FCRL6: variants seen among roughly 807,000 people sequenced by gnomAD.
FCRL6 encodes the protein Fc receptor-like protein 6.
In FCRL6, 50 loss-of-function variants were observed where a neutral mutation model predicts 49.1. That is an observed-to-expected ratio of 1.02 (90% CI 0.81 to 1.29). The LOEUF (loss-of-function observed/expected upper bound fraction) is 1.29. FCRL6 is among the 50% of genes most tolerant of loss of function. FCRL6 has a pLI of 0.00. For missense variants in FCRL6, 571 were observed against 518.5 expected (o/e 1.10, Z -0.98); for synonymous variants, 213 against 199.6 (o/e 1.07, Z -0.57).
chr1:159,801,415 A>G (rs1662327432), upstream of FCRL6, among the ~76,000 whole-genome samples: 1 of 152,326 alleles, frequency 6.6e-6, no homozygotes, highest in Non-Finnish European at 1.5e-5. Context: ...ACCAATACTC[A>G]GTAGAGGATT....
At chr1:159,808,825 G>T in intron 3 of FCRL6, 136 bp from the exon 4 acceptor site, 1 of 827,290 alleles carries the variant, frequency 1.2e-6, no homozygotes, top group South Asian at 1.9e-5. Context: ...GTAAGAGGAC[G>T]GGTCCTAGGG....
chr1:159,814,329 A>G, intron 8 of FCRL6, 37 bp downstream of exon 8: 1 of 1,576,950 alleles, frequency 6.3e-7, no homozygotes, highest in Non-Finnish European at 8.7e-7. Flanking sequence ...ACCTTTGCAA[A>G]CAGAAGTTTT....
rs773138809 is a variant in FCRL6, at chr1:159,815,532, A to T, written c.1180-4A>T. 6.2e-7 allele frequency: 1 copy of T among 1,614,154 alleles called. No individual in the cohort carries two copies. The highest frequency in any genetic ancestry group is 1.7e-5 in the Admixed American group (1 of 60,010). On this transcript the variant is annotated splice_polypyrimidine_tract_variant and splice_region_variant and intron_variant, in intron 9 of 9. Transcript: ENST00000368106. ...TTCCTCATCCTGAGCCAACTCTTCC[A>T]CAGGACAGTTCTATCATCTGTGCGG...
At chr1:159,808,611 C>A in intron 3 of FCRL6, 167 bp downstream of exon 3, 2 of 722,324 alleles carry the variant, frequency 2.8e-6, no homozygotes, top group Non-Finnish European at 4.7e-6. Flanking sequence ...ATACCCCCCT[C>A]TCCCCACCAT....
Position 159,809,511 on chromosome 1 carries a change from G to A in FCRL6, c.714G>A (p.Leu238=), listed in dbSNP as rs985099626. ...CEAQRGSPPI[L]YSFYLDEKIV... ...CACAGAGGGGCTCCCCTCCGATCCT[G>A]TATTCCTTCTACCTTGATGAGAAGA... is the stretch of plus-strand genomic sequence containing the variant. The change falls in exon 5 of 10, where the codon CTG becomes CTA. Residue 238 remains leucine (L), a synonymous_variant. Transcript: ENST00000368106. 34 of 1,614,084 alleles carry A rather than the reference G, an allele frequency of 2.1e-5. No individual in the cohort carries two copies. Among genetic ancestry groups the A allele is most frequent in the Non-Finnish European group, 2.9e-5 (34 of 1,180,028 alleles).
In FCRL6 at chr1:159,815,694, C is replaced by T. The variant is rs1356425744; in HGVS notation, c.*33C>T. 1 of 1,612,308 alleles carries T rather than the reference C, an allele frequency of 6.2e-7. No homozygotes were observed. The highest frequency in any genetic ancestry group is 2.2e-5 in the East Asian group (1 of 44,880). ...GTTCTCCTATCAACACACGCCCACC[C>T]CCAGTCTCCAGTGCTCCTCAGGAAG... On this transcript the variant is annotated 3_prime_UTR_variant, in exon 10 of 10. Coordinates refer to ENST00000368106, the MANE Select transcript of FCRL6 (RefSeq NM_001004310.3).
At position 159,809,656 on chromosome 1, in the gene FCRL6, A is replaced by G; in HGVS notation, c.859A>G (p.Ser287Gly). Residue 287 changes from serine (S) to glycine (G), a missense_variant, in exon 5 of 10, where the codon AGT becomes GGT. Ser to Gly is a moderately conservative substitution (Grantham distance 56, BLOSUM62 0). Transcript: ENST00000368106. ...TGAGAACAGTGTCTCCAGAGAGAGG[A>G]GTGAGCCCAAGAAGCTGTCTCTGAA... Reference protein sequence around the residue: ...EAENSVSRERSEPKKLSLKGS... With the variant: ...EAENSVSRERGEPKKLSLKGS... The G allele has an allele frequency of 6.2e-7, 1 of 1,614,074 alleles. No individual in the cohort carries two copies. The highest frequency in any genetic ancestry group is 8.5e-7 in the Non-Finnish European group (1 of 1,179,996).
At position 159,815,490 on chromosome 1, in the gene FCRL6, C is replaced by G. The variant is rs373431796; in HGVS notation, c.1179+31C>G. 6 of 1,614,110 alleles carry G rather than the reference C, an allele frequency of 3.7e-6. No homozygotes were observed. In the East Asian group the frequency reaches 1.3e-4, roughly 36 times the overall value. On this transcript the variant is annotated intron_variant, in intron 9 of 9. Coordinates refer to ENST00000368106, the MANE Select transcript of FCRL6 (RefSeq NM_001004310.3). Reference sequence around the variant, plus strand: ...CTGGGATCCCTGCTCCTTTCTCACCCTCTCTCTTACATTTGCTTCCTCATC... The same window carrying G: ...CTGGGATCCCTGCTCCTTTCTCACCGTCTCTCTTACATTTGCTTCCTCATC...
intron 2 of FCRL6, among the ~76,000 whole-genome samples, 160 bp from the exon 3 acceptor site, chr1:159,808,018 C>A (rs1014579527): frequency 6.6e-6 from 1 of 151,950 alleles, no homozygotes; most frequent in African/African-American, 2.4e-5. Context: ...CAGGTCCTGC[C>A]CTTCTCTGGT....
chr1:159,813,482 C>T lies in FCRL6; in HGVS notation c.1010-7C>T. 17 of 1,612,880 alleles carry T rather than the reference C, an allele frequency of 1.1e-5. No homozygotes were observed. Among genetic ancestry groups the T allele is most frequent in the Non-Finnish European group, 1.4e-5 (17 of 1,178,856 alleles). ...CACCCAGTGAATCATGCCCTTGTATCTCCTAGGGCCCCTTCCATCCCAGAT... is the reference window on the plus strand; with the variant it reads ...CACCCAGTGAATCATGCCCTTGTATTTCCTAGGGCCCCTTCCATCCCAGAT... On this transcript the variant is annotated splice_region_variant and splice_polypyrimidine_tract_variant and intron_variant, in intron 6 of 9. Coordinates refer to ENST00000368106, the MANE Select transcript of FCRL6 (RefSeq NM_001004310.3).
chr1:159,804,454 GC>G (rs1481551687), intron 1 of FCRL6, among the ~76,000 whole-genome samples: 1 of 152,214 alleles, frequency 6.6e-6, no homozygotes, highest in Non-Finnish European at 1.5e-5. Context: ...AGGGGCTCCT[GC>G]CTTCATTTTT....
At chr1:159,808,729 A>T in intron 3 of FCRL6, 1 of 603,454 alleles carries the variant, frequency 1.7e-6, no homozygotes, top group South Asian at 2.1e-5. Context: ...GGACTAGAGG[A>T]CTTCGAAGGC....
rs377142740 is a variant in FCRL6 at position 159,815,479 on chromosome 1, C to G, written c.1179+20C>G. The G allele has an allele frequency of 4.5e-4, 727 of 1,614,100 alleles. No individual in the cohort carries two copies. The highest frequency in any genetic ancestry group is 5.6e-4 in the Non-Finnish European group (665 of 1,179,946). The stretch of plus-strand genomic sequence containing the variant: ...AGAAAGGTGAGCTGGGATCCCTGCT[C>G]CTTTCTCACCCTCTCTCTTACATTT... On this transcript the variant is annotated intron_variant, in intron 9 of 9. Transcript: ENST00000368106.
chr1:159,802,807 G>T (rs73028940), intron 1 of FCRL6, among the ~76,000 whole-genome samples: 6,003 of 152,278 alleles, frequency 0.039, 395 homozygotes, highest in African/African-American at 0.14. Context: ...AAAAGGAAAT[G>T]GAGGTTGCAG....
chr1:159,813,441 C>T (rs748962394), intron 6 of FCRL6, 48 bp from the exon 7 acceptor site: 19 of 1,531,828 alleles, frequency 1.2e-5, no homozygotes, highest in Non-Finnish European at 1.7e-5. Context: ...CCCTGTCCCA[C>T]CTGCCCTCTA....
In FCRL6 at chr1:159,814,241, G is replaced by A; in HGVS notation, c.1096G>A (p.Asp366Asn). 6.2e-7 allele frequency: 1 copy of A among 1,614,202 alleles called. No homozygotes were observed. The highest frequency in any genetic ancestry group is 8.5e-7 in the Non-Finnish European group (1 of 1,180,012). ...YANVHHQKGK[D>N]EGVVYSVVHR... ...TCCAGTGCATCACCAGAAAGGGAAAGATGAAGGTGTTGTCTACTCTGTGGT... is the reference window on the plus strand; with the variant it reads ...TCCAGTGCATCACCAGAAAGGGAAAAATGAAGGTGTTGTCTACTCTGTGGT... The change falls in exon 8 of 10, where the codon GAT becomes AAT. Residue 366 changes from aspartate (D) to asparagine (N), a missense_variant. Coordinates refer to ENST00000368106, the MANE Select transcript of FCRL6 (RefSeq NM_001004310.3).
Position 159,815,885 on chromosome 1 carries a change from C to G in FCRL6, c.*224C>G, listed in dbSNP as rs1175319733. On this transcript the variant is annotated 3_prime_UTR_variant, in exon 10 of 10. Coordinates refer to ENST00000368106, the MANE Select transcript of FCRL6 (RefSeq NM_001004310.3). Reference sequence around the variant, plus strand: ...AGGGAGATGCTCCCACCAACACACACACTTAGGTTCAATCAGTGACACTGG... The same window carrying G: ...AGGGAGATGCTCCCACCAACACACAGACTTAGGTTCAATCAGTGACACTGG... The G allele has an allele frequency of 3.8e-6, 2 of 522,130 alleles. No homozygotes were observed. Among genetic ancestry groups the G allele is most frequent in the African/African-American group, 3.8e-5 (2 of 52,162 alleles). 32.3% of individuals were successfully genotyped at this position (522,130 alleles called of 1,614,324 possible).
chr1:159,809,052 C>G lies in FCRL6; in HGVS notation c.411C>G (p.His137Gln), dbSNP rs569208608. 6.2e-7 allele frequency: 1 copy of G among 1,613,962 alleles called. No homozygotes were observed. The highest frequency in any genetic ancestry group is 1.3e-5 in the African/African-American group (1 of 74,898). ...CCCTGAGATGTCAGACAAAGCTGCA[C>G]CCCCTGAGGTCAGCCTTGAGGCTCC... Reference protein sequence around the residue: ...LVTLRCQTKLHPLRSALRLLF... With the variant: ...LVTLRCQTKLQPLRSALRLLF... The change falls in exon 4 of 10, where the codon CAC becomes CAG. Residue 137 changes from histidine (H) to glutamine (Q), a missense_variant. Coordinates refer to ENST00000368106, the MANE Select transcript of FCRL6 (RefSeq NM_001004310.3).
chr1:159,802,731 C>T (rs907586328), intron 1 of FCRL6, among the ~76,000 whole-genome samples: 9 of 152,182 alleles, frequency 5.9e-5, no homozygotes, highest in African/African-American at 2.2e-4. Flanking sequence ...ATTACAAAGT[C>T]CCCTAACTTC....
Sources: gnomAD v4.1 joint callset for allele counts (sites outside exome capture counted in the v4.1 genomes callset) on GRCh38, gnomAD v4.1.1 for gene constraint, MANE v1.5 for transcripts, NCBI Gene and HGNC (gene_info 2026-07-23, HGNC 2026-07-21) for gene names.